Variants in LRFN5 observed in about 807,000 individuals in gnomAD.
LRFN5 encodes the protein leucine rich repeat and fibronectin type III domain containing 5.
Under a neutral mutation model 45.6 loss-of-function variants are expected in LRFN5, and 24 were observed. The ratio of observed to expected loss-of-function variants is 0.53; its 90% CI spans 0.38 to 0.74. The LOEUF is 0.74. Ranked by LOEUF, LRFN5 falls within the 30% of genes least tolerant of loss-of-function variation. LRFN5 has a pLI of 0.00. For synonymous variants in LRFN5, 340 were observed against 313.8 expected, an observed-to-expected ratio of 1.08 and a Z score of -0.88; for missense variants, 776 against 861.5, an observed-to-expected ratio of 0.90 and a Z score of 1.24.
chr14:41,619,073 A>G (rs1280807004), intron 1 of LRFN5, among the ~76,000 whole-genome samples: 1 of 152,066 alleles, frequency 6.6e-6, no homozygotes, highest in African/African-American at 2.4e-5. Flanking sequence ...AACCCAAGGG[A>G]AAATTTGGCT....
chr14:41,684,533 C>T (rs1416972962), intron 1 of LRFN5, among the ~76,000 whole-genome samples: 5 of 152,062 alleles, frequency 3.3e-5, no homozygotes, highest in Admixed American at 6.6e-5. Context: ...GGGAAACCAC[C>T]GCCATAATTG....
At chr14:41,816,179 G>T (rs1286464689) in intron 2 of LRFN5, among the ~76,000 whole-genome samples, 1 of 149,712 alleles carries the variant, frequency 6.7e-6, no homozygotes, top group Non-Finnish European at 1.5e-5. Flanking sequence ...TCTCTCCCTT[G>T]TGAGTTTTTT....
At chr14:41,830,045 CTTTA>C (rs1298345691) in intron 2 of LRFN5, among the ~76,000 whole-genome samples, 10 of 150,894 alleles carry the variant, frequency 6.6e-5, no homozygotes, top group South Asian at 2.1e-4. Flanking sequence ...TAACTTTTGG[CTTTA>C]TTTATCTTAT....
At chr14:41,746,040 A>G (rs1884906701) in intron 1 of LRFN5, among the ~76,000 whole-genome samples, 1 of 152,050 alleles carries the variant, frequency 6.6e-6, no homozygotes, top group Non-Finnish European at 1.5e-5. Flanking sequence ...TCAAAGGAAG[A>G]TAATACAGGA....
At position 41,755,693 on chromosome 14, in the gene LRFN5, C is replaced by T. The variant is rs550101349; in HGVS notation, c.-196-11161C>T. Among the ~76,000 whole-genome samples, 4 of 152,292 alleles carry T rather than the reference C, an allele frequency of 2.6e-5. No individual in the cohort carries two copies. The South Asian group carries it at 8.3e-4, about 32-fold the overall frequency. On this transcript the variant is annotated intron_variant, in intron 1 of 5. Coordinates refer to ENST00000298119, the MANE Select transcript of LRFN5 (RefSeq NM_152447.5). ...TGAGATGTGTTTTCTGAATACAGCA[C>T]ACTGATGGGCCTTGACTCTTTATCC... is the stretch of plus-strand genomic sequence containing the variant.
chr14:41,684,078 T>C (rs560522113), intron 1 of LRFN5, among the ~76,000 whole-genome samples: 1 of 152,200 alleles, frequency 6.6e-6, no homozygotes, highest in East Asian at 1.9e-4. Flanking sequence ...CCACACAACA[T>C]AGTGCAGAGA....
At chr14:41,787,796 G>C (rs921728669) in intron 2 of LRFN5, among the ~76,000 whole-genome samples, 1 of 151,698 alleles carries the variant, frequency 6.6e-6, no homozygotes, top group Non-Finnish European at 1.5e-5. Context: ...TGATGCCGCA[G>C]TATCTTCTGT....
At chr14:41,787,541 A>G (rs1212895528) in intron 2 of LRFN5, among the ~76,000 whole-genome samples, 3 of 151,530 alleles carry the variant, frequency 2.0e-5, no homozygotes, top group African/African-American at 7.3e-5. Context: ...TAAAAAATGG[A>G]AAAAAATATA....
At chr14:41,763,916 A>G (rs2045515756) in intron 1 of LRFN5, among the ~76,000 whole-genome samples, 1 of 152,176 alleles carries the variant, frequency 6.6e-6, no homozygotes, top group African/African-American at 2.4e-5. Context: ...TATGTACATA[A>G]ACAATAACAG....
intron 2 of LRFN5, among the ~76,000 whole-genome samples, chr14:41,805,120 C>T (rs969100532): frequency 7.3e-5 from 11 of 150,010 alleles, no homozygotes; most frequent in African/African-American, 2.8e-4. Flanking sequence ...TCTGTATTTT[C>T]AATTTAAATA....
At chr14:41,874,177 A>G (rs938761051) in intron 2 of LRFN5, among the ~76,000 whole-genome samples, 1 of 152,170 alleles carries the variant, frequency 6.6e-6, no homozygotes, top group Non-Finnish European at 1.5e-5. Flanking sequence ...ATTTGTGGCA[A>G]TGTTCAATGT....
intron 1 of LRFN5, among the ~76,000 whole-genome samples, chr14:41,690,523 C>G (rs1001383778): frequency 2.0e-5 from 3 of 152,038 alleles, no homozygotes; most frequent in Non-Finnish European, 4.4e-5. Context: ...CTACTGCACT[C>G]CAGCCTAGGT....
intron 1 of LRFN5, among the ~76,000 whole-genome samples, chr14:41,667,748 CCTGT>C (rs1385763575): frequency 3.9e-5 from 6 of 152,110 alleles, no homozygotes; most frequent in Admixed American, 6.6e-5. Context: ...ATGCTGGTGG[CCTGT>C]CTGTCTGCCT....
At chr14:41,795,531 G>A (rs1594716594) in intron 2 of LRFN5, among the ~76,000 whole-genome samples, 1 of 152,072 alleles carries the variant, frequency 6.6e-6, no homozygotes, top group East Asian at 1.9e-4. Flanking sequence ...CAACCCAAAT[G>A]TCCAAAAATG....
intron 2 of LRFN5, among the ~76,000 whole-genome samples, chr14:41,858,669 C>T (rs891438356): frequency 2.2e-4 from 34 of 152,286 alleles, no homozygotes; most frequent in Middle Eastern, 3.4e-3. Flanking sequence ...ATCTTCAAAG[C>T]AGAATCTTCA....
intron 2 of LRFN5, among the ~76,000 whole-genome samples, chr14:41,840,903 A>T (rs1192151030): frequency 6.6e-6 from 1 of 151,992 alleles, no homozygotes; most frequent in African/African-American, 2.4e-5. Flanking sequence ...ATGAATCTAC[A>T]CAGGGGTTGT....
chr14:41,645,024 G>C (rs712405), intron 1 of LRFN5, among the ~76,000 whole-genome samples: 1 of 152,024 alleles, frequency 6.6e-6, no homozygotes, highest in East Asian at 1.9e-4. Context: ...TTTTGGTATG[G>C]ATTAGTCCAA....
In LRFN5 at chr14:41,733,063, A is replaced by C. The variant is rs200097296; in HGVS notation, c.-196-33791A>C. 9.9e-3 allele frequency among the ~76,000 whole-genome samples: 1,502 copies of C among 151,944 alleles called. 8 individuals are homozygous for C. Among genetic ancestry groups the C allele is most frequent in the East Asian group, 0.015 (78 of 5,176 alleles). ...AGGAAAAGAAAGTTAAAAAAAAAAA[A>C]CAGATTGAACAAAAGGACCATTGGT... On this transcript the variant is annotated intron_variant, in intron 1 of 5. Transcript: ENST00000298119.
At chr14:41,697,311 T>C (rs12883547) in intron 1 of LRFN5, among the ~76,000 whole-genome samples, 33,572 of 151,756 alleles carry the variant, frequency 0.22, 4,217 homozygotes, top group South Asian at 0.37. Context: ...TTTTAATTTC[T>C]TTTGTTTCAA....
Sources: gnomAD v4.1 joint callset for allele counts (sites outside exome capture counted in the v4.1 genomes callset) on GRCh38, gnomAD v4.1.1 for gene constraint, MANE v1.5 for transcripts, NCBI Gene and HGNC (gene_info 2026-07-23, HGNC 2026-07-21) for gene names.